RADIL: variants seen among roughly 807,000 people sequenced by gnomAD.
RADIL encodes the protein ras-associating and dilute domain-containing protein.
Under a neutral mutation model 97.6 loss-of-function variants are expected in RADIL, and 99 were observed. The ratio of observed to expected loss-of-function variants is 1.01; its 90% confidence interval spans 0.86 to 1.20. RADIL has a LOEUF of 1.20. Ranked by LOEUF, RADIL falls within the 50% of genes most tolerant of loss-of-function variation. The pLI is 0.00. For missense variants in RADIL, 1,765 were observed against 1,498.9 expected (o/e 1.18, Z -2.93); for synonymous variants, 803 against 691.8 (o/e 1.16, Z -2.52).
intron 5 of RADIL, 41 bp downstream of exon 5, chr7:4,832,085 GTGAGCCCCCAGGACC>G: frequency 2.5e-6 from 4 of 1,590,810 alleles, no homozygotes; most frequent in Non-Finnish European, 3.4e-6. Context: ...CCCGGGAAGT[GTGAGCCCCCAGGACC>G]TGCTGCCCAG....
chr7:4,814,409 C>T lies in RADIL; in HGVS notation c.2139+869G>A, dbSNP rs1782622899. The stretch of plus-strand genomic sequence containing the variant: ...TCTCGGCTCACTGCAACCTCTGCCT[C>T]GCGGGTTCAAGCGATTCGCCCTGTG... On this transcript the variant is annotated intron_variant, in intron 9 of 14. Transcript: ENST00000399583. The surrounding 1 kb of genome is among the most constrained non-coding windows in gnomAD (Gnocchi z 4.5). 6.6e-6 allele frequency among the ~76,000 whole-genome samples: 1 copy of T among 152,118 alleles called. No homozygotes were observed. The highest frequency in any genetic ancestry group is 2.4e-5 in the African/African-American group (1 of 41,404).
In RADIL at chr7:4,840,333, A is replaced by C. The variant is rs1783408505; in HGVS notation, c.536-3728T>G. 6.6e-6 allele frequency among the ~76,000 whole-genome samples: 1 copy of C among 152,178 alleles called. No homozygotes were observed. The highest frequency in any genetic ancestry group is 2.4e-5 in the African/African-American group (1 of 41,456). ...GCAGACCCAGGGCGGATCTGCCTCA[A>C]CTGGGACAGAAAGTGCCCCCACTTG... On this transcript the variant is annotated intron_variant, in intron 2 of 14. Coordinates refer to ENST00000399583, the MANE Select transcript of RADIL (RefSeq NM_018059.5). The surrounding 1 kb of genome is among the most constrained non-coding windows in gnomAD (Gnocchi z 5.6).
chr7:4,814,542 G>A lies in RADIL; in HGVS notation c.2139+736C>T, dbSNP rs929414842. Among the ~76,000 whole-genome samples, 4 of 151,958 alleles carry A rather than the reference G, an allele frequency of 2.6e-5. No individual in the cohort carries two copies. The highest frequency in any genetic ancestry group is 9.7e-5 in the African/African-American group (4 of 41,360). On this transcript the variant is annotated intron_variant, in intron 9 of 14. Transcript: ENST00000399583. The surrounding 1 kb of genome is among the most constrained non-coding windows in gnomAD (Gnocchi z 4.5). ...TGTGATGACTGTGTTGGGAAGGGGGGTGGTGAGTGGCTGACTGTGTTGGGA... is the reference window on the plus strand; with the variant it reads ...TGTGATGACTGTGTTGGGAAGGGGGATGGTGAGTGGCTGACTGTGTTGGGA...
At chr7:4,801,331 C>T (rs1782077304) in intron 12 of RADIL, among the ~76,000 whole-genome samples, 1 of 152,234 alleles carries the variant, frequency 6.6e-6, no homozygotes, top group African/African-American at 2.4e-5. Flanking sequence ...TCCCCCTCAG[C>T]ACATCCTCTC....
At chr7:4,871,875 C>T (rs984707377) in intron 2 of RADIL, among the ~76,000 whole-genome samples, 3 of 152,212 alleles carry the variant, frequency 2.0e-5, no homozygotes. Flanking sequence ...TGTTCCCAGG[C>T]TTTGTTTAGC....
intron 10 of RADIL, among the ~76,000 whole-genome samples, chr7:4,804,507 C>T (rs1583260847): frequency 6.6e-6 from 1 of 152,344 alleles, no homozygotes; most frequent in African/African-American, 2.4e-5. Context: ...GCACCCCTGG[C>T]CGGGGGTGGC....
In RADIL at chr7:4,854,449, G is replaced by A. The variant is rs972154917; in HGVS notation, c.536-17844C>T. Among the ~76,000 whole-genome samples, 8 of 152,110 alleles carry A rather than the reference G, an allele frequency of 5.3e-5. No individual in the cohort carries two copies. The highest frequency in any genetic ancestry group is 2.1e-4 in the South Asian group (1 of 4,816). Reference sequence around the variant, plus strand: ...TGGCTCACGCCTGTAATCCCAGCACGTTGGGAGGCCGAGGCAGGCAGATCA... The same window carrying A: ...TGGCTCACGCCTGTAATCCCAGCACATTGGGAGGCCGAGGCAGGCAGATCA... On this transcript the variant is annotated intron_variant, in intron 2 of 14. Transcript: ENST00000399583. The surrounding 1 kb of genome is among the most constrained non-coding windows in gnomAD (Gnocchi z 5.1).
chr7:4,812,959 G>A (rs924112828), intron 9 of RADIL, among the ~76,000 whole-genome samples: 2 of 152,106 alleles, frequency 1.3e-5, no homozygotes, highest in African/African-American at 2.4e-5. Flanking sequence ...CAGCCCACAG[G>A]TTTGGATATT....
chr7:4,806,028 GA>G lies in RADIL; in HGVS notation c.2140-313del, dbSNP rs1562428196. The G allele has an allele frequency of 1.5e-5, 15 of 985,368 alleles. No homozygotes were observed. In the African/African-American group the frequency reaches 2.6e-4, roughly 17 times the overall value. 61.0% of individuals were successfully genotyped at this position (985,368 alleles called of 1,614,324 possible). A position where few individuals can be genotyped will look rare whatever the true frequency, so the allele number is the denominator to read the frequency against. ...ACCAGAGAAACCACTACTGGGAAAT[GA>G]ACAGTGAAATCAGATTCCTGCCTCC... is the stretch of plus-strand genomic sequence containing the variant. On this transcript the variant is annotated intron_variant, in intron 9 of 14. Transcript: ENST00000399583.
chr7:4,879,229 T>C lies in RADIL; in HGVS notation c.-64-1026A>G. On this transcript the variant is annotated intron_variant, in intron 1 of 14. Coordinates refer to ENST00000399583, the MANE Select transcript of RADIL (RefSeq NM_018059.5). This position sits in a 1 kb window ranked among gnomAD's most constrained non-coding sequence, Gnocchi z 4.1. ...CTCCTGGGGAAACGGGAAAACAGCCTGGGACGCGTTGGCGTGTCATACAAT... is the reference window on the plus strand; with the variant it reads ...CTCCTGGGGAAACGGGAAAACAGCCCGGGACGCGTTGGCGTGTCATACAAT... Among the ~76,000 whole-genome samples, 1 of 152,224 alleles carries C rather than the reference T, an allele frequency of 6.6e-6. No homozygotes were observed. The highest frequency in any genetic ancestry group is 1.5e-5 in the Non-Finnish European group (1 of 68,038).
intron 2 of RADIL, among the ~76,000 whole-genome samples, chr7:4,869,867 G>A (rs11980513): frequency 0.03 from 4,562 of 152,124 alleles, 192 homozygotes; most frequent in African/African-American, 0.099. Flanking sequence ...GCAGTGGCTC[G>A]TACCTGAAAT....
chr7:4,868,608 G>A (rs773791455), intron 2 of RADIL, among the ~76,000 whole-genome samples: 44 of 152,168 alleles, frequency 2.9e-4, no homozygotes, highest in Non-Finnish European at 2.4e-4. Context: ...CCAGCTTCAC[G>A]TTTTCTAGTG....
In RADIL at chr7:4,818,122, C is replaced by T. The variant is rs142708711; in HGVS notation, c.1616-771G>A. Among the ~76,000 whole-genome samples the T allele has an allele frequency of 2.0e-5, 3 of 152,312 alleles. No homozygotes were observed. The highest frequency in any genetic ancestry group is 2.9e-5 in the Non-Finnish European group (2 of 68,020). The stretch of plus-strand genomic sequence containing the variant: ...TGGTGTTCCCTGTCAGCCGCGTGGG[C>T]GGCCACAGCTCCCCTCCTCTCCCTC... On this transcript the variant is annotated intron_variant, in intron 6 of 14. Coordinates refer to ENST00000399583, the MANE Select transcript of RADIL (RefSeq NM_018059.5). The surrounding 1 kb of genome is among the most constrained non-coding windows in gnomAD (Gnocchi z 7.1).
rs1264188152 is a variant in RADIL, at chr7:4,805,576, G to A, written c.2280C>T (p.Ala760=). ...WEPGAQDSPE[A]FRSEDVLESY... is the part of the protein sequence containing the mutation. ...TGGGGCAGGGCTTACCTGACCTGAA[G>A]GCCTCGGGGCTGTCCTGGGCCCCTG... Residue 760 remains alanine, a synonymous_variant, in exon 10 of 15, where the codon GCC becomes GCT. Transcript: ENST00000399583. 7.5e-6 allele frequency: 12 copies of A among 1,601,648 alleles called. No homozygotes were observed. The highest frequency in any genetic ancestry group is 2.2e-5 in the East Asian group (1 of 44,636).
chr7:4,811,961 G>C (rs2115181806), intron 9 of RADIL, among the ~76,000 whole-genome samples: 1 of 152,046 alleles, frequency 6.6e-6, no homozygotes, highest in Non-Finnish European at 1.5e-5. Flanking sequence ...TGAAACCTCA[G>C]TCTCCTGGGC....
chr7:4,861,931 C>T (rs1784019440), intron 2 of RADIL: 1 of 552,680 alleles, frequency 1.8e-6, no homozygotes, highest in Non-Finnish European at 2.9e-6. Context: ...TCCGACCCCA[C>T]TCCCACTCCC....
rs1183667828 is a variant in RADIL, at chr7:4,834,524, C to T, written c.1416+83G>A. On this transcript the variant is annotated intron_variant, in intron 4 of 14. Transcript: ENST00000399583. This position sits in a 1 kb window ranked among gnomAD's most constrained non-coding sequence, Gnocchi z 6.0. Reference sequence around the variant, plus strand: ...CGTGGGGGTCAGATAGAGGCGCTCCCGCCTCCCAGCCGGGGCCAGCTCCGG... The same window carrying T: ...CGTGGGGGTCAGATAGAGGCGCTCCTGCCTCCCAGCCGGGGCCAGCTCCGG... The T allele has an allele frequency of 1.1e-4, 136 of 1,258,858 alleles. No individual in the cohort carries two copies. The East Asian group carries it at 4.1e-3, about 38-fold the overall frequency. The allele number at this position is 1,258,858 out of a possible 1,614,324, so 78.0% of individuals were successfully genotyped here. A position where few individuals can be genotyped will look rare whatever the true frequency, so the allele number is the denominator to read the frequency against.
Position 4,824,014 on chromosome 7 carries a change from C to T in RADIL, c.1455-1460G>A, listed in dbSNP as rs1348175288. On this transcript the variant is annotated intron_variant, in intron 5 of 14. Coordinates refer to ENST00000399583, the MANE Select transcript of RADIL (RefSeq NM_018059.5). The surrounding 1 kb of genome is among the most constrained non-coding windows in gnomAD (Gnocchi z 6.7). ...TCTCCATAATCGCACCTGGCGGACA[C>T]AAATAGCCGTGTGCCCCTGAGCAGT... Among the ~76,000 whole-genome samples, 1 of 152,258 alleles carries T rather than the reference C, an allele frequency of 6.6e-6. No individual in the cohort carries two copies. Among genetic ancestry groups the T allele is most frequent in the Non-Finnish European group, 1.5e-5 (1 of 68,048 alleles).
chr7:4,882,160 C>T (rs951311533), intron 1 of RADIL: 1 of 152,308 alleles, frequency 6.6e-6, no homozygotes, highest in African/African-American at 2.4e-5. Flanking sequence ...TGGTCATCCT[C>T]CCTTGGCCAG....
Sources: gnomAD v4.1 joint callset for allele counts (sites outside exome capture counted in the v4.1 genomes callset) on GRCh38, gnomAD v4.1.1 for gene constraint, Gnocchi (gnomAD v3.1) non-coding constraint, MANE v1.5 for transcripts, NCBI Gene and HGNC (gene_info 2026-07-23, HGNC 2026-07-21) for gene names.